Variants in NAV2 observed in about 807,000 individuals in gnomAD.
NAV2 encodes the protein helicase, APC down-regulated 1.
NAV2 carries 54 observed loss-of-function variants against 223.2 expected under a neutral mutation model. The observed-to-expected ratio is 0.24, with a 90% CI of 0.19 to 0.30. The LOEUF (loss-of-function observed/expected upper bound fraction) is 0.30. Among genes scored for constraint, NAV2 ranks in the 10% least tolerant of loss-of-function variants. NAV2 has a pLI of 1.00. For synonymous variants in NAV2, 1,279 were observed against 1,239.3 expected (o/e 1.03, Z -0.67); for missense variants, 2,806 against 3,147.5 (o/e 0.89, Z 2.60).
chr11:19,700,927 G>T (rs1273597689), intron 1 of NAV2, among the ~76,000 whole-genome samples: 1 of 152,196 alleles, frequency 6.6e-6, no homozygotes, highest in Non-Finnish European at 1.5e-5. Flanking sequence ...CTATTAGAAT[G>T]AATGAATGAG....
chr11:19,403,969 C>T (rs546011055), intron 1 of NAV2, among the ~76,000 whole-genome samples: 6 of 151,944 alleles, frequency 3.9e-5, no homozygotes, highest in South Asian at 2.1e-4. Flanking sequence ...GAGAAACAGT[C>T]GTCTGCAAAG....
intron 6 of NAV2, among the ~76,000 whole-genome samples, chr11:19,925,606 G>A (rs776008061): frequency 2.0e-5 from 3 of 152,148 alleles, no homozygotes; most frequent in East Asian, 1.9e-4. Flanking sequence ...AAAATTAGCC[G>A]AGCGTGGTGG....
At chr11:19,853,829 C>A (rs576489697) in intron 3 of NAV2, among the ~76,000 whole-genome samples, 1 of 151,792 alleles carries the variant, frequency 6.6e-6, no homozygotes, top group Non-Finnish European at 1.5e-5. Flanking sequence ...TGTGTCCCCA[C>A]TAGACATTAA....
chr11:20,060,290 C>T lies in NAV2; in HGVS notation c.4832-2017C>T, dbSNP rs530424829. On this transcript the variant is annotated intron_variant, in intron 19 of 37. Transcript: ENST00000349880. ...TGGCTATGTGTTACACACATCTCTT[C>T]ACCCAGCTTGGCCTCCAACATAATT... is the stretch of plus-strand genomic sequence containing the variant. Among the ~76,000 whole-genome samples, 14 of 152,368 alleles carry T rather than the reference C, an allele frequency of 9.2e-5. No individual in the cohort carries two copies. In the East Asian group the frequency reaches 2.7e-3, roughly 29 times the overall value.
intron 1 of NAV2, among the ~76,000 whole-genome samples, chr11:19,698,519 G>A (rs1053380643): frequency 2.0e-5 from 3 of 152,216 alleles, no homozygotes; most frequent in Non-Finnish European, 4.4e-5. Context: ...ACAACCAGGA[G>A]CAGGAGCTAC....
chr11:19,496,778 G>A (rs1281831403), intron 1 of NAV2, among the ~76,000 whole-genome samples: 5 of 152,242 alleles, frequency 3.3e-5, no homozygotes, highest in Non-Finnish European at 5.9e-5. Context: ...AAAATGACAT[G>A]AAATTAGCAT....
At chr11:19,872,191 T>C (rs571215402) in intron 4 of NAV2, among the ~76,000 whole-genome samples, 1 of 152,326 alleles carries the variant, frequency 6.6e-6, no homozygotes, top group Non-Finnish European at 1.5e-5. Context: ...AATATCTCAC[T>C]TGACATCATG....
chr11:19,349,671 G>T (rs1236537526), upstream of NAV2, among the ~76,000 whole-genome samples: 1 of 152,160 alleles, frequency 6.6e-6, no homozygotes. Flanking sequence ...GGTGTTGGGG[G>T]AGGAGGCATT....
intron 1 of NAV2, among the ~76,000 whole-genome samples, chr11:19,549,525 AG>A (rs1466832962): frequency 7.9e-5 from 12 of 152,210 alleles, no homozygotes; most frequent in African/African-American, 2.9e-4. Flanking sequence ...CTGACTACAG[AG>A]GAAGGAGGGC....
intron 1 of NAV2, among the ~76,000 whole-genome samples, chr11:19,525,952 G>A (rs1382430658): frequency 6.6e-6 from 1 of 152,074 alleles, no homozygotes; most frequent in Non-Finnish European, 1.5e-5. Flanking sequence ...CAGGTCTCGG[G>A]GACAGGTCCC....
intron 3 of NAV2, among the ~76,000 whole-genome samples, chr11:19,860,203 T>C (rs1371675760): frequency 7.1e-6 from 1 of 140,772 alleles, no homozygotes; most frequent in African/African-American, 2.7e-5. Context: ...ACGGGGTGGC[T>C]GCCGGGCGGA....
At chr11:20,028,874 G>A (rs986593599) in intron 11 of NAV2, among the ~76,000 whole-genome samples, 1 of 152,120 alleles carries the variant, frequency 6.6e-6, no homozygotes, top group Non-Finnish European at 1.5e-5. Flanking sequence ...GAGTTGTAAC[G>A]CCTCTATACC....
intron 1 of NAV2, among the ~76,000 whole-genome samples, chr11:19,698,872 A>G (rs1455766615): frequency 6.6e-6 from 1 of 152,032 alleles, no homozygotes; most frequent in Non-Finnish European, 1.5e-5. Flanking sequence ...GAAAAAGGAG[A>G]AGGAGGGAGA....
At chr11:20,008,790 G>T (rs2053312011) in intron 11 of NAV2, among the ~76,000 whole-genome samples, 1 of 151,824 alleles carries the variant, frequency 6.6e-6, no homozygotes, top group East Asian at 1.9e-4. Context: ...GCACAGAGTG[G>T]TGTGTGTGCT....
At chr11:19,553,901 G>A (rs2044774880) in intron 1 of NAV2, among the ~76,000 whole-genome samples, 1 of 152,242 alleles carries the variant, frequency 6.6e-6, no homozygotes, top group South Asian at 2.1e-4. Context: ...CAAACCCCTC[G>A]TGGGCTTTTA....
chr11:20,036,791 G>A (rs1464081823), intron 12 of NAV2, among the ~76,000 whole-genome samples: 2 of 152,110 alleles, frequency 1.3e-5, no homozygotes, highest in Admixed American at 1.3e-4. Flanking sequence ...CAACCCCTTA[G>A]ACCTGCCACT....
intron 1 of NAV2, among the ~76,000 whole-genome samples, chr11:19,423,284 T>C (rs1437643317): frequency 6.6e-6 from 1 of 152,258 alleles, no homozygotes; most frequent in Non-Finnish European, 1.5e-5. Context: ...TGAGCTAATA[T>C]GTGTAAAGTG....
intron 26 of NAV2, 83 bp from the exon 27 acceptor site, chr11:20,090,782 C>A: frequency 2.1e-6 from 3 of 1,463,118 alleles, no homozygotes; most frequent in Non-Finnish European, 2.8e-6. Flanking sequence ...TACTGCTAAA[C>A]AAACCTGATG....
intron 1 of NAV2, among the ~76,000 whole-genome samples, chr11:19,354,074 G>A (rs891341139): frequency 2.0e-5 from 3 of 152,170 alleles, no homozygotes; most frequent in Non-Finnish European, 4.4e-5. Flanking sequence ...TGTATATTTA[G>A]GATGTTTCCA....
Sources: allele counts gnomAD v4.1 joint callset (sites outside exome capture counted in the v4.1 genomes callset), GRCh38; gene constraint gnomAD v4.1.1; transcripts MANE v1.5; gene names NCBI Gene and HGNC (gene_info 2026-07-23, HGNC 2026-07-21).